Variants in RNF43 observed in about 807,000 individuals in gnomAD.
RNF43 encodes E3 ubiquitin-protein ligase RNF43.
In RNF43, 37 loss-of-function variants were observed where a neutral mutation model predicts 78.4. The observed-to-expected ratio is 0.47, with a 90% CI of 0.36 to 0.62. The LOEUF (loss-of-function observed/expected upper bound fraction) is 0.62, where lower values mean the gene tolerates loss of function less well. Ranked by LOEUF, RNF43 falls within the 20% of genes least tolerant of loss-of-function variation. The pLI is 0.00. For missense variants in RNF43, 774 were observed against 1,007.9 expected, an observed-to-expected ratio of 0.77 and a Z score of 3.14; for synonymous variants, 347 against 395.0, an observed-to-expected ratio of 0.88 and a Z score of 1.44.
chr17:58,385,121 C>T (rs972520606), intron 2 of RNF43, among the ~76,000 whole-genome samples: 1 of 152,096 alleles, frequency 6.6e-6, no homozygotes, highest in African/African-American at 2.4e-5. Flanking sequence ...TCACTTGTTG[C>T]CTCTTCCTCT....
At chr17:58,387,945 T>G (rs1274777389) in intron 2 of RNF43, among the ~76,000 whole-genome samples, 1 of 152,104 alleles carries the variant, frequency 6.6e-6, no homozygotes, top group African/African-American at 2.4e-5. Flanking sequence ...AGTTTCTTAA[T>G]CACCAACCAC....
At chr17:58,400,116 G>A (rs982589659) in intron 2 of RNF43, among the ~76,000 whole-genome samples, 11 of 152,092 alleles carry the variant, frequency 7.2e-5, no homozygotes, top group African/African-American at 2.2e-4. Context: ...TTACCAGTAC[G>A]GAACAGGCAC....
chr17:58,395,111 G>A (rs1973649126), intron 2 of RNF43: 1 of 152,166 alleles, frequency 6.6e-6, no homozygotes, highest in African/African-American at 2.4e-5. Flanking sequence ...AAGAAACACT[G>A]ATTTCCTTCC....
At position 58,359,829 on chromosome 17, in the gene RNF43, G is replaced by C. The variant is rs543855341; in HGVS notation, c.952+320C>G. Reference sequence around the variant, plus strand: ...TAATCTCAGCTACTCGGGAGGCTGAGGCAGGAGAATCGCTTGAACCCAGGA... The same window carrying C: ...TAATCTCAGCTACTCGGGAGGCTGACGCAGGAGAATCGCTTGAACCCAGGA... On this transcript the variant is annotated intron_variant, in intron 8 of 9. Transcript: ENST00000407977. 5.3e-5 allele frequency among the ~76,000 whole-genome samples: 8 copies of C among 151,894 alleles called. No individual in the cohort carries two copies. The East Asian group carries it at 1.5e-3, about 29-fold the overall frequency.
rs200626293 is a variant in RNF43, at chr17:58,362,591, G to C, written c.640C>G (p.Leu214Val). 2.9e-4 allele frequency: 470 copies of C among 1,612,242 alleles called. No homozygotes were observed. The highest frequency in any genetic ancestry group is 3.7e-4 in the Non-Finnish European group (439 of 1,179,252). ...CACCGGATGCGCAGCACCGAAGCCA[G>C]GATGATCACAAAGATGGTGCCCACC... ...TVVGTIFVII[L>V]ASVLRIRCRP... Residue 214 changes from leucine (L) to valine (V), a missense_variant, in exon 6 of 10, where the codon CTG becomes GTG. Physicochemically the swap from Leu to Val is conservative, Grantham distance 32 (BLOSUM62 1). Coordinates refer to ENST00000407977, the MANE Select transcript of RNF43 (RefSeq NM_017763.6).
chr17:58,366,719 T>C (rs1303005405), intron 3 of RNF43, among the ~76,000 whole-genome samples: 3 of 152,350 alleles, frequency 2.0e-5, no homozygotes, highest in South Asian at 2.1e-4. Context: ...ACCTAGTCCA[T>C]AGGGTTGTTA....
intron 5 of RNF43, 50 bp from the exon 6 acceptor site, chr17:58,362,698 G>A: frequency 6.9e-7 from 1 of 1,444,524 alleles, no homozygotes; most frequent in Non-Finnish European, 9.5e-7. Flanking sequence ...GATGAGCTGG[G>A]TCAATTCGGG....
At chr17:58,413,805 C>T (rs1974071892) in intron 2 of RNF43, among the ~76,000 whole-genome samples, 1 of 152,084 alleles carries the variant, frequency 6.6e-6, no homozygotes, top group African/African-American at 2.4e-5. Context: ...TTATGGAACA[C>T]ATAATTAGCC....
intron 2 of RNF43, among the ~76,000 whole-genome samples, chr17:58,406,132 G>A (rs1015634113): frequency 6.6e-6 from 1 of 152,196 alleles, no homozygotes; most frequent in African/African-American, 2.4e-5. Flanking sequence ...CTGTGGTGAG[G>A]TATTTTTGGT....
Position 58,358,272 on chromosome 17 carries a change from T to C in RNF43, c.1504A>G (p.Ser502Gly), listed in dbSNP as rs1219556763. The part of the protein sequence containing the change: ...GSSSTFCSSL[S>G]SDFDPLVYCS... Reference sequence around the variant, plus strand: ...TACACTAGGGGGTCAAAGTCACTGCTTAGGGAGCTGCAGAAAGTAGAACTG... The same window carrying C: ...TACACTAGGGGGTCAAAGTCACTGCCTAGGGAGCTGCAGAAAGTAGAACTG... Residue 502 changes from serine to glycine, a missense_variant, in exon 9 of 10, where the codon AGC becomes GGC. Ser to Gly is a moderately conservative substitution (Grantham distance 56). Coordinates refer to ENST00000407977, the MANE Select transcript of RNF43 (RefSeq NM_017763.6). The surrounding 1 kb of genome is among the most constrained non-coding windows in gnomAD (Gnocchi z 6.2). 6.2e-7 allele frequency: 1 copy of C among 1,614,006 alleles called. No homozygotes were observed.
At chr17:58,352,750 C>T, downstream of RNF43, 1 of 212,590 alleles carries the variant, frequency 4.7e-6, no homozygotes, top group Non-Finnish European at 9.5e-6. Context: ...GAAAAAAATG[C>T]GTATTTATCT....
intron 2 of RNF43, among the ~76,000 whole-genome samples, chr17:58,405,651 C>T (rs1009713590): frequency 6.7e-6 from 1 of 148,584 alleles, no homozygotes; most frequent in Non-Finnish European, 1.5e-5. Context: ...TGCACTCCAG[C>T]CTGGGTGACA....
intron 3 of RNF43, among the ~76,000 whole-genome samples, chr17:58,364,418 G>A (rs1344400410): frequency 6.6e-6 from 1 of 152,206 alleles, no homozygotes; most frequent in Non-Finnish European, 1.5e-5. Flanking sequence ...AGCCAACCAG[G>A]CAGAACAGAT....
chr17:58,367,061 T>A (rs1321264720), intron 3 of RNF43, among the ~76,000 whole-genome samples: 1 of 145,678 alleles, frequency 6.9e-6, no homozygotes, highest in East Asian at 2.1e-4. Context: ...TGGTGTGTGG[T>A]GTGATCTCGG....
intron 3 of RNF43, among the ~76,000 whole-genome samples, chr17:58,369,350 A>G (rs1973030624): frequency 6.6e-6 from 1 of 152,144 alleles, no homozygotes; most frequent in Non-Finnish European, 1.5e-5. Context: ...CTTCCTTGTC[A>G]GCACGGCCAG....
chr17:58,361,480 A>G (rs1360418794), intron 6 of RNF43, among the ~76,000 whole-genome samples: 1 of 152,108 alleles, frequency 6.6e-6, no homozygotes, highest in African/African-American at 2.4e-5. Context: ...TTCCTAATCC[A>G]AGCTACCATT....
intron 2 of RNF43, among the ~76,000 whole-genome samples, chr17:58,382,048 C>T (rs547067555): frequency 7.2e-5 from 11 of 152,150 alleles, no homozygotes; most frequent in African/African-American, 2.7e-4. Flanking sequence ...TTGACCAGCC[C>T]TCAGTCCCCA....
chr17:58,395,788 A>G (rs1366896680), intron 2 of RNF43, among the ~76,000 whole-genome samples: 1 of 152,214 alleles, frequency 6.6e-6, no homozygotes, highest in Non-Finnish European at 1.5e-5. Context: ...TTATCAACAT[A>G]TTACAATAAA....
chr17:58,408,982 C>A (rs1000994819), intron 2 of RNF43, among the ~76,000 whole-genome samples: 9 of 152,070 alleles, frequency 5.9e-5, no homozygotes, highest in African/African-American at 2.2e-4. Context: ...TTACAGCATG[C>A]CACGTCAATA....
Sources: gnomAD v4.1 joint callset for allele counts (sites outside exome capture counted in the v4.1 genomes callset) on GRCh38, gnomAD v4.1.1 for gene constraint, Gnocchi (gnomAD v3.1) non-coding constraint, MANE v1.5 for transcripts, NCBI Gene and HGNC (gene_info 2026-07-23, HGNC 2026-07-21) for gene names.